The following ZNF728 variants were observed in gnomAD, a reference collection of about 807,000 sequenced individuals.
ZNF728 encodes zinc finger protein 728.
ZNF728 carries 12 observed loss-of-function variants against 12.5 expected under a neutral mutation model. The observed-to-expected ratio is 0.96, with a 90% CI of 0.61 to 1.55. The LOEUF (loss-of-function observed/expected upper bound fraction) is 1.55. Among genes scored for constraint, ZNF728 ranks in the 40% most tolerant of loss-of-function variants. ZNF728 has a pLI of 0.00. For missense variants in ZNF728, 692 were observed against 719.2 expected, an observed-to-expected ratio of 0.96 and a Z score of 0.43; for synonymous variants, 205 against 240.7, an observed-to-expected ratio of 0.85 and a Z score of 1.37.
intron 1 of ZNF728, among the ~76,000 whole-genome samples, chr19:22,988,917 G>A (rs1968950587): frequency 6.6e-6 from 1 of 151,906 alleles, no homozygotes; most frequent in South Asian, 2.1e-4. Flanking sequence ...TGGGTGTGGT[G>A]GTGTGTGCTT....
rs117659494 is a variant in ZNF728, at chr19:22,996,926, G to A, written c.3+6102C>T. Among the ~76,000 whole-genome samples, 18 of 152,268 alleles carry A rather than the reference G, an allele frequency of 1.2e-4. No individual in the cohort carries two copies. In the East Asian group the frequency reaches 1.4e-3, roughly 11 times the overall value. On this transcript the variant is annotated intron_variant, in intron 1 of 3. Coordinates refer to ENST00000594710, the MANE Select transcript of ZNF728 (RefSeq NM_001267716.2). ...GATCTCTGAATTTTGCACAGTGTGT[G>A]CACTTGAAAGGATGTTTATGGGGGG...
At chr19:22,984,665 CA>C (rs1296221095) in intron 3 of ZNF728, among the ~76,000 whole-genome samples, 2 of 150,058 alleles carry the variant, frequency 1.3e-5, no homozygotes, top group Non-Finnish European at 3.0e-5. Flanking sequence ...TGCTCTTATG[CA>C]AATGTTGTAA....
chr19:22,998,356 A>G (rs1260279385), intron 1 of ZNF728, among the ~76,000 whole-genome samples: 1 of 143,672 alleles, frequency 7.0e-6, no homozygotes, highest in Non-Finnish European at 1.6e-5. Flanking sequence ...CCCATCTATA[A>G]AAAAAAAAAA....
chr19:22,989,631 G>A (rs1968962004), intron 1 of ZNF728, among the ~76,000 whole-genome samples: 2 of 152,098 alleles, frequency 1.3e-5, no homozygotes, highest in African/African-American at 4.8e-5. Flanking sequence ...TTACTACTGA[G>A]ATATTACCCC....
intron 1 of ZNF728, among the ~76,000 whole-genome samples, chr19:22,994,246 C>G (rs1422239457): frequency 6.6e-6 from 1 of 152,154 alleles, no homozygotes; most frequent in Non-Finnish European, 1.5e-5. Flanking sequence ...CACAATTCCA[C>G]CTGCATATTT....
chr19:22,975,663 A>G lies in ZNF728; in HGVS notation c.1674T>C (p.His558=). The change falls in exon 4 of 4, where the codon CAT becomes CAC. Residue 558 remains histidine (H), a synonymous_variant. Coordinates refer to ENST00000594710, the MANE Select transcript of ZNF728 (RefSeq NM_001267716.2). Reference sequence around the variant, plus strand: ...CACATTTGTAGGGTTTCTCTCCAGTATGAATTCTCTTATGTTCACTAAGTC... The same window carrying G: ...CACATTTGTAGGGTTTCTCTCCAGTGTGAATTCTCTTATGTTCACTAAGTC... ...SSRLSEHKRI[H]TGEKPYKCEE... 4 of 1,612,124 alleles carry G rather than the reference A, an allele frequency of 2.5e-6. No homozygotes were observed. The highest frequency in any genetic ancestry group is 3.4e-6 in the Non-Finnish European group (4 of 1,179,878).
rs1333993305 is a variant in ZNF728 at position 22,975,394 on chromosome 19, A to G, written c.*74T>C. 1 of 1,393,558 alleles carries G rather than the reference A, an allele frequency of 7.2e-7. No individual in the cohort carries two copies. The highest frequency in any genetic ancestry group is 9.7e-7 in the Non-Finnish European group (1 of 1,028,034). The allele number at this position is 1,393,558 out of a possible 1,614,324, so 86.3% of individuals were successfully genotyped here. ...AATTTGCCACATTCTTCACATTTGT[A>G]GGGTTTCCCTCCTGTATAAATACCC... On this transcript the variant is annotated 3_prime_UTR_variant, in exon 4 of 4. Coordinates refer to ENST00000594710, the MANE Select transcript of ZNF728 (RefSeq NM_001267716.2).
At chr19:23,000,054 T>C (rs571181292) in intron 1 of ZNF728, among the ~76,000 whole-genome samples, 1 of 152,254 alleles carries the variant, frequency 6.6e-6, no homozygotes, top group Non-Finnish European at 1.5e-5. Context: ...GAATTCTGTT[T>C]GAAATCATTC....
At chr19:22,978,627 G>A (rs184876371) in intron 3 of ZNF728, among the ~76,000 whole-genome samples, 85 of 152,292 alleles carry the variant, frequency 5.6e-4, no homozygotes, top group Non-Finnish European at 9.8e-4. Context: ...GGCATCTGGC[G>A]GGTGGCCTGT....
At position 22,975,271 on chromosome 19, in the gene ZNF728, A is replaced by C. The variant is rs1442292135; in HGVS notation, c.*197T>G. On this transcript the variant is annotated 3_prime_UTR_variant, in exon 4 of 4. Transcript: ENST00000594710. The stretch of plus-strand genomic sequence containing the variant: ...GTTGTCTTGTACGTAGTAAGCCTTA[A>C]GGACTGATTAAAGGCTTTGCCACAT... 2.0e-5 allele frequency among the ~76,000 whole-genome samples: 3 copies of C among 152,148 alleles called. No individual in the cohort carries two copies. Among genetic ancestry groups the C allele is most frequent in the South Asian group, 2.1e-4 (1 of 4,832 alleles).
chr19:22,987,165 A>G (rs1462278096), intron 3 of ZNF728, 143 bp downstream of exon 3: 1 of 740,580 alleles, frequency 1.4e-6, no homozygotes, highest in Non-Finnish European at 2.0e-6. Context: ...ACTGTGTGAG[A>G]GAAAATTAAA....
chr19:22,988,591 T>G, intron 1 of ZNF728, 140 bp from the exon 2 acceptor site: 1 of 1,264,828 alleles, frequency 7.9e-7, no homozygotes, highest in Non-Finnish European at 1.1e-6. Context: ...TAAAATAGTT[T>G]TCAACACAAC....
intron 1 of ZNF728, among the ~76,000 whole-genome samples, chr19:22,996,070 G>A (rs960063500): frequency 6.6e-5 from 10 of 151,954 alleles, no homozygotes; most frequent in African/African-American, 1.7e-4. Flanking sequence ...AATATCTACT[G>A]CAACGATTTA....
Position 22,975,525 on chromosome 19 carries a change from G to A in ZNF728, c.1812C>T (p.Ser604=), listed in dbSNP as rs745662370. 2 of 1,568,838 alleles carry A rather than the reference G, an allele frequency of 1.3e-6. No individual in the cohort carries two copies. The highest frequency in any genetic ancestry group is 1.7e-6 in the Non-Finnish European group (2 of 1,159,310). The change falls in exon 4 of 4, where the codon TCC becomes TCT. Residue 604 remains serine, a synonymous_variant. Transcript: ENST00000594710. ...TTCTCTTATGAGTAGTAAGGTGTGA[G>A]GATTGGTTGAAGTCTTTACCACATT... is the stretch of plus-strand genomic sequence containing the variant. The part of the protein sequence containing the change: ...CEECGKDFNQ[S]SHLTTHKRIH...
At chr19:23,000,843 G>C (rs1390435223) in intron 1 of ZNF728, among the ~76,000 whole-genome samples, 1 of 145,732 alleles carries the variant, frequency 6.9e-6, no homozygotes, top group African/African-American at 2.6e-5. Context: ...ACTACAGCCT[G>C]GGCGACAGAG....
chr19:23,001,260 C>G (rs1283613727), intron 1 of ZNF728, among the ~76,000 whole-genome samples: 1 of 152,166 alleles, frequency 6.6e-6, no homozygotes, highest in Non-Finnish European at 1.5e-5. Context: ...ATCTGATTGT[C>G]TGAACAGCAA....
Position 22,975,803 on chromosome 19 carries a change from C to T in ZNF728, c.1534G>A (p.Glu512Lys). 1 of 1,612,234 alleles carries T rather than the reference C, an allele frequency of 6.2e-7. No homozygotes were observed. The highest frequency in any genetic ancestry group is 2.2e-5 in the East Asian group (1 of 44,814). The change falls in exon 4 of 4, where the codon GAA (glutamate) becomes AAA (lysine). Residue 512 changes from glutamate (E) to lysine (K), a missense_variant. Transcript: ENST00000594710. ...HTGEKPYKCE[E>K]CGKAFSKVAN... is the part of the protein sequence containing the mutation. ...ACCTTACTGAAGGCTTTGCCACATT[C>T]TTCACATTTGTAGGGTTTCTCTCCA...
chr19:22,980,915 G>A (rs1968854618), intron 3 of ZNF728, among the ~76,000 whole-genome samples: 1 of 152,122 alleles, frequency 6.6e-6, no homozygotes, highest in Non-Finnish European at 1.5e-5. Context: ...GCCCACGAGA[G>A]AAAGCAGGAA....
At chr19:22,998,949 C>A (rs1969078094) in intron 1 of ZNF728, among the ~76,000 whole-genome samples, 1 of 152,178 alleles carries the variant, frequency 6.6e-6, no homozygotes, top group African/African-American at 2.4e-5. Context: ...CAGTGGTCAA[C>A]ATAAAATACT....
Sources: allele counts gnomAD v4.1 joint callset (sites outside exome capture counted in the v4.1 genomes callset), GRCh38; gene constraint gnomAD v4.1.1; transcripts MANE v1.5; gene names NCBI Gene and HGNC (gene_info 2026-07-23, HGNC 2026-07-21).